Variants in NAV1 observed in about 807,000 individuals in gnomAD.
NAV1 encodes pore membrane and/or filament interacting like protein 3.
A neutral mutation model predicts 175.2 loss-of-function variants in NAV1; 18 were observed. That is an observed-to-expected ratio of 0.10 (90% CI 0.07 to 0.15). The LOEUF is 0.15. Ranked by LOEUF, NAV1 falls within the 10% of genes least tolerant of loss-of-function variation. The probability of loss-of-function intolerance (pLI) is 1.00; values close to 1 mark genes in which losing one functional copy is unlikely to be tolerated. For synonymous variants in NAV1, 897 were observed against 978.7 expected, an observed-to-expected ratio of 0.92 and a Z score of 1.56; for missense variants, 1,731 against 2,436.6, an observed-to-expected ratio of 0.71 and a Z score of 6.10.
chr1:201,767,407 C>A (rs1266854138), intron 3 of NAV1, among the ~76,000 whole-genome samples: 2 of 151,486 alleles, frequency 1.3e-5, no homozygotes, highest in Non-Finnish European at 2.9e-5. Context: ...GCCGAGATTG[C>A]GCCATTGCAC....
Position 201,788,752 on chromosome 1 carries a change from A to G in NAV1, c.3166+114A>G. ...CACACACATATATGATTCACAGAAC[A>G]TCAAGTTGGGCCATTTCAGTTTTTT... On this transcript the variant is annotated intron_variant, in intron 10 of 29. Transcript: ENST00000367296. This position sits in a 1 kb window ranked among gnomAD's most constrained non-coding sequence, Gnocchi z 5.7. 7.9e-7 allele frequency: 1 copy of G among 1,269,786 alleles called. No homozygotes were observed. Among genetic ancestry groups the G allele is most frequent in the South Asian group, 1.5e-5 (1 of 68,610 alleles). The allele number at this position is 1,269,786 out of a possible 1,614,324, so 78.7% of individuals were successfully genotyped here.
At chr1:201,794,249 T>C (rs1415798292) in intron 14 of NAV1, 1 of 635,746 alleles carries the variant, frequency 1.6e-6, no homozygotes, top group Non-Finnish European at 2.9e-6. Flanking sequence ...CCTCCCAGGT[T>C]CAAGCGATTC....
intron 11 of NAV1, 107 bp from the exon 16 acceptor site, chr1:201,790,447 C>T: frequency 3.1e-6 from 4 of 1,291,668 alleles, no homozygotes; most frequent in Admixed American, 3.5e-5. Context: ...ACCTCTGAGT[C>T]ATGCTTCTTC....
At chr1:201,804,633 A>C in intron 17 of NAV1, 136 bp downstream of exon 21, 3 of 827,742 alleles carry the variant, frequency 3.6e-6, no homozygotes, top group Non-Finnish European at 5.6e-6. Context: ...TAACTGTAAC[A>C]ACCACCCAGA....
intron 1 of NAV1, among the ~76,000 whole-genome samples, chr1:201,678,061 G>A (rs1257137344): frequency 1.3e-5 from 2 of 152,170 alleles, no homozygotes; most frequent in East Asian, 1.9e-4. Flanking sequence ...GCTGGGGAGT[G>A]GAATTACACA....
At chr1:201,677,862 T>C (rs61821682) in intron 1 of NAV1, among the ~76,000 whole-genome samples, 49,251 of 151,948 alleles carry the variant, frequency 0.32, 8,337 homozygotes, top group Admixed American at 0.45. Context: ...ACTTCTGAGC[T>C]CAAGCAGTTT....
At position 201,671,570 on chromosome 1, in the gene NAV1, A is replaced by G. The variant is rs373485342; in HGVS notation, c.757+22145A>G. Reference sequence around the variant, plus strand: ...TGCTCATCTCTCCTAAATAGAGAATAATATTTGCTCTACCCTTTCTAGCTC... The same window carrying G: ...TGCTCATCTCTCCTAAATAGAGAATGATATTTGCTCTACCCTTTCTAGCTC... On this transcript the variant is annotated intron_variant, in intron 1 of 29. Transcript: ENST00000367296. Among the ~76,000 whole-genome samples the G allele has an allele frequency of 2.8e-3, 428 of 152,358 alleles. 1 individual carries two copies. The highest frequency in any genetic ancestry group is 9.7e-3 in the African/African-American group (404 of 41,584).
At chr1:201,689,816 A>G (rs1340681128) in intron 1 of NAV1, among the ~76,000 whole-genome samples, 1 of 152,182 alleles carries the variant, frequency 6.6e-6, no homozygotes, top group Non-Finnish European at 1.5e-5. Flanking sequence ...AAGCTCTCCT[A>G]GGGGCCTCAG....
In NAV1 at chr1:201,746,026, C is replaced by T. The variant is rs145242922; in HGVS notation, c.1226+27271C>T. On this transcript the variant is annotated intron_variant, in intron 3 of 29. Transcript: ENST00000367296. ...TTTTTTTTGTAGAGGCCGGGTTTTG[C>T]CGTGTTGTCCAGGCTGTTTTCTAAC... Among the ~76,000 whole-genome samples the T allele has an allele frequency of 2.3e-4, 35 of 151,920 alleles. No homozygotes were observed. In the East Asian group the frequency reaches 6.8e-3, roughly 29 times the overall value.
At chr1:201,568,848 A>C (rs1666444826) in intron 1 of NAV1, among the ~76,000 whole-genome samples, 1 of 152,024 alleles carries the variant, frequency 6.6e-6, no homozygotes. Flanking sequence ...GTTTAGTCTA[A>C]AAGTTCAGAT....
chr1:201,783,173 G>A (rs1676446382), intron 6 of NAV1, among the ~76,000 whole-genome samples: 1 of 152,132 alleles, frequency 6.6e-6, no homozygotes, highest in Non-Finnish European at 1.5e-5. Context: ...ATACCTATTT[G>A]CATAAATTCA....
intron 1 of NAV1, among the ~76,000 whole-genome samples, chr1:201,653,140 A>G (rs1468698513): frequency 6.6e-6 from 1 of 152,240 alleles, no homozygotes; most frequent in Non-Finnish European, 1.5e-5. Context: ...AAGCCGAACA[A>G]TCACAAGTCG....
chr1:201,769,506 A>G (rs1395905488), intron 3 of NAV1, among the ~76,000 whole-genome samples: 2 of 152,246 alleles, frequency 1.3e-5, no homozygotes, highest in South Asian at 2.1e-4. Flanking sequence ...CCTAGTTGGT[A>G]TAGTGATGGG....
At chr1:201,799,831 G>C (rs1188141564) in intron 15 of NAV1, among the ~76,000 whole-genome samples, 1 of 148,908 alleles carries the variant, frequency 6.7e-6, no homozygotes, top group African/African-American at 2.5e-5. Flanking sequence ...TTACACTCCA[G>C]CCTGGGCAAC....
intron 1 of NAV1, among the ~76,000 whole-genome samples, chr1:201,586,313 TG>T (rs1667026639): frequency 6.6e-6 from 1 of 150,620 alleles, no homozygotes; most frequent in Admixed American, 6.6e-5. Flanking sequence ...GAGGGAGAAA[TG>T]GAGAGTTATT....
intron 2 of NAV1, among the ~76,000 whole-genome samples, chr1:201,713,581 CAG>C (rs969715244): frequency 2.0e-5 from 3 of 152,244 alleles, no homozygotes; most frequent in African/African-American, 7.2e-5. Flanking sequence ...TGCTGTGACT[CAG>C]AATTTCCCTT....
intron 3 of NAV1, among the ~76,000 whole-genome samples, chr1:201,761,318 A>G (rs1286742772): frequency 1.3e-5 from 2 of 152,226 alleles, no homozygotes; most frequent in East Asian, 1.9e-4. Context: ...CTGGCAATTC[A>G]TTTGGTTTGT....
chr1:201,678,804 C>G (rs530665810), intron 1 of NAV1, among the ~76,000 whole-genome samples: 2 of 152,166 alleles, frequency 1.3e-5, no homozygotes, highest in African/African-American at 4.8e-5. Context: ...GTCTGTCCCC[C>G]CTCCCAACCC....
At chr1:201,686,072 C>T (rs1487350025) in intron 1 of NAV1, among the ~76,000 whole-genome samples, 1 of 152,158 alleles carries the variant, frequency 6.6e-6, no homozygotes, top group Non-Finnish European at 1.5e-5. Context: ...ATCTGAAGCT[C>T]CAGAGCCAGA....
Sources: gnomAD v4.1 joint callset for allele counts (sites outside exome capture counted in the v4.1 genomes callset) on GRCh38, gnomAD v4.1.1 for gene constraint, Gnocchi (gnomAD v3.1) non-coding constraint, MANE v1.5 for transcripts, NCBI Gene and HGNC (gene_info 2026-07-23, HGNC 2026-07-21) for gene names.